The following WDFY1 variants were observed in gnomAD, a reference collection of about 807,000 sequenced individuals.
WDFY1 encodes the protein WD repeat and FYVE domain containing 1, also known as WD repeat and FYVE domain-containing protein 1.
A neutral mutation model predicts 56.4 loss-of-function variants in WDFY1; 32 were observed. The ratio of observed to expected loss-of-function variants is 0.57; its 90% CI spans 0.43 to 0.76. The LOEUF is 0.76. Among genes scored for constraint, WDFY1 ranks in the 30% least tolerant of loss-of-function variants. The pLI, the probability that WDFY1 is intolerant of heterozygous loss-of-function variation, is 0.00. For synonymous variants in WDFY1, 192 were observed against 197.3 expected, an observed-to-expected ratio of 0.97 and a Z score of 0.23; for missense variants, 480 against 545.7, an observed-to-expected ratio of 0.88 and a Z score of 1.20.
chr2:223,904,671 C>T (rs1356810148), intron 4 of WDFY1, among the ~76,000 whole-genome samples: 1 of 152,220 alleles, frequency 6.6e-6, no homozygotes, highest in Non-Finnish European at 1.5e-5. Context: ...ACAACACATA[C>T]GTAAAACATC....
intron 10 of WDFY1, among the ~76,000 whole-genome samples, chr2:223,881,635 CA>C (rs1315015341): frequency 6.6e-6 from 1 of 151,930 alleles, no homozygotes; most frequent in Admixed American, 6.6e-5. Flanking sequence ...ACTAAAACTA[CA>C]AAAATTAGCC....
intron 7 of WDFY1, among the ~76,000 whole-genome samples, chr2:223,894,956 C>A (rs1693338186): frequency 1.3e-5 from 2 of 152,188 alleles, no homozygotes; most frequent in South Asian, 4.1e-4. Flanking sequence ...GAAAAGAAAG[C>A]AAGGTGAAGA....
At chr2:223,939,399 T>C (rs929694964) in intron 1 of WDFY1, among the ~76,000 whole-genome samples, 4 of 152,210 alleles carry the variant, frequency 2.6e-5, no homozygotes, top group Non-Finnish European at 5.9e-5. Flanking sequence ...AACAGGATAC[T>C]GAGATGCATC....
At chr2:223,937,286 T>A (rs930637182) in intron 1 of WDFY1, among the ~76,000 whole-genome samples, 2 of 152,070 alleles carry the variant, frequency 1.3e-5, no homozygotes, top group African/African-American at 2.4e-5. Flanking sequence ...CAAACATGCA[T>A]ACAAAGTAGA....
intron 11 of WDFY1, 108 bp from the exon 12 acceptor site, chr2:223,878,838 T>A: frequency 7.4e-7 from 1 of 1,344,976 alleles, no homozygotes; most frequent in South Asian, 1.3e-5. Flanking sequence ...GGTGTCAAAT[T>A]AATGAATTTT....
At chr2:223,941,374 G>C (rs937918337) in intron 1 of WDFY1, among the ~76,000 whole-genome samples, 5 of 152,034 alleles carry the variant, frequency 3.3e-5, no homozygotes, top group Non-Finnish European at 7.4e-5. Flanking sequence ...TGGTCACTTA[G>C]AAATAGCTAT....
Position 223,878,626 on chromosome 2 carries a change from G to C in WDFY1, c.*45C>G. 1 of 1,472,252 alleles carries C rather than the reference G, an allele frequency of 6.8e-7. No homozygotes were observed. The highest frequency in any genetic ancestry group is 1.1e-5 in the South Asian group (1 of 87,650). The allele number at this position is 1,472,252 out of a possible 1,614,324, so 91.2% of individuals were successfully genotyped here. On this transcript the variant is annotated 3_prime_UTR_variant, in exon 12 of 12. Coordinates refer to ENST00000233055, the MANE Select transcript of WDFY1 (RefSeq NM_020830.5). Reference sequence around the variant, plus strand: ...GAGCTGCGTGAGAGGGACTTCATTTGGTGGAGCTGCTGTTCTTAGGTGTGG... The same window carrying C: ...GAGCTGCGTGAGAGGGACTTCATTTCGTGGAGCTGCTGTTCTTAGGTGTGG...
intron 1 of WDFY1, among the ~76,000 whole-genome samples, chr2:223,922,000 C>G (rs1224249766): frequency 6.6e-6 from 1 of 152,160 alleles, no homozygotes; most frequent in Non-Finnish European, 1.5e-5. Context: ...GCCTGGATCA[C>G]AGTGCCCCTA....
intron 6 of WDFY1, among the ~76,000 whole-genome samples, chr2:223,895,882 G>C (rs1693358726): frequency 6.6e-6 from 1 of 151,948 alleles, no homozygotes; most frequent in African/African-American, 2.4e-5. Flanking sequence ...TTTGGGCCGG[G>C]CATGGTGACT....
At chr2:223,937,085 T>C (rs1294985703) in intron 1 of WDFY1, among the ~76,000 whole-genome samples, 1 of 152,202 alleles carries the variant, frequency 6.6e-6, no homozygotes, top group Non-Finnish European at 1.5e-5. Context: ...GGATCTCAAA[T>C]ATAGCAGGGG....
intron 7 of WDFY1, among the ~76,000 whole-genome samples, chr2:223,895,147 A>AT (rs1368462133): frequency 2.6e-5 from 4 of 152,206 alleles, no homozygotes; most frequent in African/African-American, 9.6e-5. Flanking sequence ...ATCATGTTAC[A>AT]TGCAACCTTC....
intron 8 of WDFY1, among the ~76,000 whole-genome samples, chr2:223,891,286 G>A (rs982110641): frequency 1.4e-5 from 2 of 145,270 alleles, no homozygotes; most frequent in Non-Finnish European, 3.0e-5. Flanking sequence ...GGGAGGCTGA[G>A]GTGGGAGAAT....
intron 1 of WDFY1, among the ~76,000 whole-genome samples, chr2:223,939,292 C>G (rs550272301): frequency 2.0e-5 from 3 of 152,264 alleles, no homozygotes; most frequent in South Asian, 4.1e-4. Flanking sequence ...AACCAGTGTT[C>G]TAGAGAGGCC....
rs1693503819 is a variant in WDFY1 at position 223,901,262 on chromosome 2, T to C, written c.406A>G (p.Lys136Glu). The change falls in exon 5 of 12, where the codon AAG becomes GAG. Residue 136 changes from lysine (K) to glutamate (E), a missense_variant. By Grantham distance (56) the Lys-to-Glu change is moderately conservative. Coordinates refer to ENST00000233055, the MANE Select transcript of WDFY1 (RefSeq NM_020830.5). ...TEWVISTGHDKCVSWMCTRSG... is the reference protein window; with the variant it reads ...TEWVISTGHDECVSWMCTRSG... ...CGCGTGCACATCCAGCTCACACACT[T>C]GTCGTGGCCGGTACTGATCACCCAC... is the stretch of plus-strand genomic sequence containing the variant. 1 of 1,613,986 alleles carries C rather than the reference T, an allele frequency of 6.2e-7. No individual in the cohort carries two copies. Among genetic ancestry groups the C allele is most frequent in the Non-Finnish European group, 8.5e-7 (1 of 1,180,030 alleles).
intron 3 of WDFY1, among the ~76,000 whole-genome samples, chr2:223,908,699 G>C (rs1693642394): frequency 6.6e-6 from 1 of 152,108 alleles, no homozygotes. Context: ...TCTATGTTCA[G>C]GGAACTCCCA....
chr2:223,933,630 G>A (rs1410446753), intron 1 of WDFY1, among the ~76,000 whole-genome samples: 2 of 151,856 alleles, frequency 1.3e-5, no homozygotes, highest in Admixed American at 1.3e-4. Flanking sequence ...AGACCAGCCT[G>A]GCAACATACC....
rs71058956 is a variant in WDFY1, at chr2:223,896,155, C to CAAAAAAAAAAAAAAAAAAAAAA, written c.599-547_599-526dup. On this transcript the variant is annotated intron_variant, in intron 6 of 11. Transcript: ENST00000233055. ...TGGGTGACAGAGTGAGACTCTGTCT[C>CAAAAAAAAAAAAAAAAAAAAAA]AAAAAAAAAAAAAAAAAAAAAAAAA... Among the ~76,000 whole-genome samples the CAAAAAAAAAAAAAAAAAAAAAA allele has an allele frequency of 5.0e-4, 20 of 39,838 alleles. 2 individuals are homozygous for CAAAAAAAAAAAAAAAAAAAAAA. The highest frequency in any genetic ancestry group is 1.8e-3 in the South Asian group (1 of 570). The allele number at this position is 39,838 out of a possible 152,430, so 26.1% of individuals were successfully genotyped here.
intron 8 of WDFY1, among the ~76,000 whole-genome samples, chr2:223,891,420 A>G (rs1010411575): frequency 2.7e-5 from 4 of 147,484 alleles, no homozygotes; most frequent in Non-Finnish European, 6.0e-5. Flanking sequence ...AGGCAGGGTC[A>G]GAACCTTATA....
At chr2:223,897,880 G>A (rs1387118707) in intron 6 of WDFY1, among the ~76,000 whole-genome samples, 1 of 152,016 alleles carries the variant, frequency 6.6e-6, no homozygotes, top group African/African-American at 2.4e-5. Context: ...GTCATGTGAT[G>A]TGCCTGTTCA....
Sources: allele counts gnomAD v4.1 joint callset (sites outside exome capture counted in the v4.1 genomes callset), GRCh38; gene constraint gnomAD v4.1.1; transcripts MANE v1.5; gene names NCBI Gene and HGNC (gene_info 2026-07-23, HGNC 2026-07-21).